Variants in FHIP1A observed in about 807,000 individuals in gnomAD.
FHIP1A encodes FHF complex subunit HOOK-interacting protein 1A.
FHIP1A carries 61 observed loss-of-function variants against 88.6 expected under a neutral mutation model. The ratio of observed to expected loss-of-function variants is 0.69; its 90% CI spans 0.56 to 0.85. FHIP1A has a LOEUF of 0.85. FHIP1A is among the 40% of genes least tolerant of loss of function. The probability of loss-of-function intolerance (pLI) is 0.00; values close to 1 mark genes in which losing one functional copy is unlikely to be tolerated. For synonymous variants in FHIP1A, 478 were observed against 496.0 expected, an observed-to-expected ratio of 0.96 and a Z score of 0.48; for missense variants, 1,154 against 1,273.5, an observed-to-expected ratio of 0.91 and a Z score of 1.43.
intron 1 of FHIP1A, among the ~76,000 whole-genome samples, chr4:151,442,007 C>T (rs1029159740): frequency 6.6e-6 from 1 of 152,114 alleles, no homozygotes; most frequent in Non-Finnish European, 1.5e-5. Flanking sequence ...GTTCCATAAT[C>T]TCAAGTTTTC....
At chr4:151,571,045 CAGG>C (rs1733584361) in intron 4 of FHIP1A, among the ~76,000 whole-genome samples, 1 of 152,070 alleles carries the variant, frequency 6.6e-6, no homozygotes, top group Non-Finnish European at 1.5e-5. Context: ...ATTAGCCCAC[CAGG>C]CAATAAACTA....
chr4:151,578,144 A>G (rs1733878109), intron 5 of FHIP1A, 68 bp downstream of exon 5: 1 of 1,359,290 alleles, frequency 7.4e-7, no homozygotes, highest in Non-Finnish European at 9.9e-7. Flanking sequence ...AGTGATGAAT[A>G]CTTTCTTACT....
chr4:151,586,659 A>T lies in FHIP1A; in HGVS notation c.751A>T (p.Ser251Cys). 1 of 1,548,770 alleles carries T rather than the reference A, an allele frequency of 6.5e-7. No homozygotes were observed. Among genetic ancestry groups the T allele is most frequent in the Non-Finnish European group, 8.7e-7 (1 of 1,144,824 alleles). The change falls in exon 6 of 14, where the codon AGT becomes TGT. Residue 251 changes from serine (S) to cysteine (C), a missense_variant. Transcript: ENST00000435205. Reference sequence around the variant, plus strand: ...AACACAGGTACTTGCAACTGGGCTCAGTGGTCTCTACTCTTCCCTGCCTAC... The same window carrying T: ...AACACAGGTACTTGCAACTGGGCTCTGTGGTCTCTACTCTTCCCTGCCTAC... ...YFCPVLATGL[S>C]GLYSSLPTKL... is the part of the protein sequence containing the mutation.
chr4:151,440,135 G>A (rs1376335287), intron 1 of FHIP1A, among the ~76,000 whole-genome samples: 3 of 152,152 alleles, frequency 2.0e-5, no homozygotes, highest in Admixed American at 2.0e-4. Flanking sequence ...CAGGGGAAGT[G>A]TCAGACACTT....
chr4:151,490,440 G>A (rs934668522), intron 3 of FHIP1A, among the ~76,000 whole-genome samples: 5 of 152,106 alleles, frequency 3.3e-5, no homozygotes, highest in South Asian at 2.1e-4. Context: ...TCAGGAAGCC[G>A]CATGTCTAGG....
At chr4:151,609,072 A>G (rs970247519) in intron 7 of FHIP1A, among the ~76,000 whole-genome samples, 4 of 152,166 alleles carry the variant, frequency 2.6e-5, no homozygotes, top group African/African-American at 9.7e-5. Context: ...GTGTGGTGCT[A>G]TTAAGATATG....
intron 2 of FHIP1A, among the ~76,000 whole-genome samples, chr4:151,478,158 T>G (rs1344067985): frequency 2.6e-5 from 4 of 152,192 alleles, no homozygotes; most frequent in Non-Finnish European, 5.9e-5. Context: ...AGCTGTACAC[T>G]CGAAAATGTT....
intron 3 of FHIP1A, among the ~76,000 whole-genome samples, chr4:151,516,336 A>G (rs1207792807): frequency 6.6e-6 from 1 of 151,792 alleles, no homozygotes; most frequent in African/African-American, 2.4e-5. Context: ...TAGACCTAAA[A>G]CCATAAAAAC....
At chr4:151,481,423 A>T (rs571912789) in intron 2 of FHIP1A, among the ~76,000 whole-genome samples, 1 of 152,082 alleles carries the variant, frequency 6.6e-6, no homozygotes, top group East Asian at 1.9e-4. Flanking sequence ...TGATTAAGTA[A>T]ATTATGTGGT....
At chr4:151,475,057 C>T (rs997059793) in intron 2 of FHIP1A, among the ~76,000 whole-genome samples, 8 of 152,182 alleles carry the variant, frequency 5.3e-5, no homozygotes, top group East Asian at 1.9e-4. Context: ...GAAAGTTAGA[C>T]GTAGGTTTTA....
rs1318431661 is a variant in FHIP1A, at chr4:151,667,504, G to T, written c.*4750G>T. On this transcript the variant is annotated 3_prime_UTR_variant, in exon 14 of 14. Transcript: ENST00000435205. ...CTCAGTAAATCCTCTCTACATTCAG[G>T]CATTTATTAGGCCATTACTTGTTTT... 6.6e-6 allele frequency among the ~76,000 whole-genome samples: 1 copy of T among 152,130 alleles called. No homozygotes were observed. The highest frequency in any genetic ancestry group is 1.5e-5 in the Non-Finnish European group (1 of 68,030).
At chr4:151,412,977 C>G (rs1241181894) in intron 1 of FHIP1A, among the ~76,000 whole-genome samples, 1 of 152,044 alleles carries the variant, frequency 6.6e-6, no homozygotes, top group Non-Finnish European at 1.5e-5. Flanking sequence ...AGCCACCGTG[C>G]CTGGCCCTCT....
At position 151,507,664 on chromosome 4, in the gene FHIP1A, C is replaced by A. The variant is rs1442408098; in HGVS notation, c.-123+25016C>A. ...TTCTTGGCTATTAAGTGAACAAGGGCATCTATAATGTTTTCGATATTTATT... is the reference window on the plus strand; with the variant it reads ...TTCTTGGCTATTAAGTGAACAAGGGAATCTATAATGTTTTCGATATTTATT... On this transcript the variant is annotated intron_variant, in intron 3 of 13. Coordinates refer to ENST00000435205, the MANE Select transcript of FHIP1A (RefSeq NM_001109977.3). Among the ~76,000 whole-genome samples the A allele has an allele frequency of 2.6e-5, 4 of 151,964 alleles. No homozygotes were observed. In the East Asian group the frequency reaches 7.7e-4, roughly 29 times the overall value.
chr4:151,669,644 G>A lies in FHIP1A; in HGVS notation c.*6890G>A, dbSNP rs1158820415. The A allele has an allele frequency of 6.6e-6, 1 of 152,192 alleles. No individual in the cohort carries two copies. Among genetic ancestry groups the A allele is most frequent in the Admixed American group, 6.5e-5 (1 of 15,284 alleles). The allele number at this position is 152,192 out of a possible 1,614,324, so 9.4% of individuals were successfully genotyped here. A position where few individuals can be genotyped will look rare whatever the true frequency, so the allele number is the denominator to read the frequency against. Reference sequence around the variant, plus strand: ...AGAACTGCTTCAGCCTTACTGTCTTGTAGAGAGATTTGGTGAAAATCATGT... The same window carrying A: ...AGAACTGCTTCAGCCTTACTGTCTTATAGAGAGATTTGGTGAAAATCATGT... On this transcript the variant is annotated 3_prime_UTR_variant, in exon 14 of 14. Transcript: ENST00000435205.
At chr4:151,567,978 G>A (rs1305614827) in intron 4 of FHIP1A, among the ~76,000 whole-genome samples, 1 of 152,126 alleles carries the variant, frequency 6.6e-6, no homozygotes, top group East Asian at 1.9e-4. Context: ...GGGTAACTGT[G>A]ATATGATCCA....
intron 1 of FHIP1A, among the ~76,000 whole-genome samples, chr4:151,438,539 A>G (rs1278631468): frequency 6.6e-6 from 1 of 152,010 alleles, no homozygotes; most frequent in Non-Finnish European, 1.5e-5. Flanking sequence ...AAACAAAAAA[A>G]TCTACCTCAC....
chr4:151,427,305 T>C (rs1733418980), intron 1 of FHIP1A, among the ~76,000 whole-genome samples: 2 of 152,168 alleles, frequency 1.3e-5, no homozygotes, highest in South Asian at 4.1e-4. Context: ...ATATTGAGTT[T>C]GTTTCTTTCC....
At chr4:151,638,891 G>A (rs978966637) in intron 9 of FHIP1A, 135 bp downstream of exon 9, 16 of 435,510 alleles carry the variant, frequency 3.7e-5, no homozygotes, top group African/African-American at 3.3e-4. Context: ...AAGCATCTAA[G>A]GAAGAAAATT....
At chr4:151,441,253 TA>T (rs1728401357) in intron 1 of FHIP1A, among the ~76,000 whole-genome samples, 1 of 151,476 alleles carries the variant, frequency 6.6e-6, no homozygotes, top group African/African-American at 2.4e-5. Flanking sequence ...TGACTTAAAG[TA>T]AGTGCATTTA....
Sources: gnomAD v4.1 joint callset for allele counts (sites outside exome capture counted in the v4.1 genomes callset) on GRCh38, gnomAD v4.1.1 for gene constraint, MANE v1.5 for transcripts, NCBI Gene and HGNC (gene_info 2026-07-23, HGNC 2026-07-21) for gene names.